The following PDE3B variants were observed in gnomAD, a reference collection of about 807,000 sequenced individuals.
The protein encoded by PDE3B is cGMP-inhibited 3',5'-cyclic phosphodiesterase 3B.
A neutral mutation model predicts 116.8 loss-of-function variants in PDE3B; 66 were observed. That is an observed-to-expected ratio of 0.56 (90% CI 0.46 to 0.69). The LOEUF (loss-of-function observed/expected upper bound fraction) is 0.69, where lower values mean the gene tolerates loss of function less well. Ranked by LOEUF, PDE3B falls within the 30% of genes least tolerant of loss-of-function variation. The pLI, the probability that PDE3B is intolerant of heterozygous loss-of-function variation, is 0.00. For missense variants in PDE3B, 1,384 were observed against 1,368.1 expected (o/e 1.01, Z -0.18); for synonymous variants, 595 against 533.6 (o/e 1.12, Z -1.59).
chr11:14,703,845 G>T (rs1855447967), intron 1 of PDE3B, among the ~76,000 whole-genome samples: 1 of 151,426 alleles, frequency 6.6e-6, no homozygotes, highest in East Asian at 1.9e-4. Flanking sequence ...CTTAAATGTA[G>T]TTTTTTCAGT....
At chr11:14,878,316 T>C in the PDE3B span, 41 of 1,611,614 alleles carry the variant, frequency 2.5e-5, no homozygotes, top group Middle Eastern at 3.3e-4. Context: ...AAAAAGCAGA[T>C]ACAATAATTT....
At chr11:14,723,772 A>AT (rs1590091314) in intron 1 of PDE3B, among the ~76,000 whole-genome samples, 1 of 152,044 alleles carries the variant, frequency 6.6e-6, no homozygotes, top group Admixed American at 6.5e-5. Flanking sequence ...AAAAAAAAAA[A>AT]CAAAAACCAG....
chr11:14,755,273 A>G (rs1297213625), intron 1 of PDE3B, among the ~76,000 whole-genome samples: 2 of 152,222 alleles, frequency 1.3e-5, no homozygotes, highest in African/African-American at 4.8e-5. Context: ...TTTCTAGATA[A>G]AATTATAGTT....
chr11:14,672,175 C>A (rs1452630018), intron 1 of PDE3B, among the ~76,000 whole-genome samples: 1 of 151,400 alleles, frequency 6.6e-6, no homozygotes, highest in East Asian at 1.9e-4. Context: ...AGCACAAGGA[C>A]AATGTCTTAT....
intron 1 of PDE3B, among the ~76,000 whole-genome samples, chr11:14,726,828 A>G (rs1856319366): frequency 6.6e-6 from 1 of 152,182 alleles, no homozygotes; most frequent in Non-Finnish European, 1.5e-5. Context: ...CTGGAGTATG[A>G]CAGGTGAGGT....
At chr11:14,880,588 A>T in the PDE3B span, 1 of 1,613,188 alleles carries the variant, frequency 6.2e-7, no homozygotes, top group Non-Finnish European at 8.5e-7. Context: ...AGCATTCGTT[A>T]TTAACTGTTT....
chr11:14,823,270 C>T (rs1859579561), intron 7 of PDE3B, among the ~76,000 whole-genome samples: 2 of 152,310 alleles, frequency 1.3e-5, no homozygotes, highest in East Asian at 1.9e-4. Context: ...TGCTTTTTCA[C>T]ATGGGTCCCA....
chr11:14,760,239 C>A (rs755069208), intron 1 of PDE3B, among the ~76,000 whole-genome samples: 4 of 152,048 alleles, frequency 2.6e-5, no homozygotes, highest in Non-Finnish European at 5.9e-5. Context: ...ATATAGTAAG[C>A]CCTTAATAGA....
intron 1 of PDE3B, among the ~76,000 whole-genome samples, chr11:14,679,294 C>A (rs894047497): frequency 6.6e-6 from 1 of 151,898 alleles, no homozygotes; most frequent in East Asian, 1.9e-4. Flanking sequence ...TTAGTAGAAT[C>A]AATTTGGGTA....
chr11:14,872,578 G>T (rs1555009230), downstream of PDE3B, among the ~76,000 whole-genome samples: 1 of 152,124 alleles, frequency 6.6e-6, no homozygotes, highest in Non-Finnish European at 1.5e-5. Context: ...TAAAGGAAAT[G>T]GGAACCAATG....
chr11:14,708,446 A>G (rs1010517521), intron 1 of PDE3B, among the ~76,000 whole-genome samples: 3 of 152,140 alleles, frequency 2.0e-5, no homozygotes, highest in African/African-American at 7.2e-5. Context: ...AAGTCCTATT[A>G]TAAATATATA....
intron 1 of PDE3B, among the ~76,000 whole-genome samples, chr11:14,744,360 A>T (rs1856849560): frequency 6.6e-6 from 1 of 152,050 alleles, no homozygotes; most frequent in Non-Finnish European, 1.5e-5. Flanking sequence ...ATTGCATTGC[A>T]TTTTTAGTTT....
intron 1 of PDE3B, among the ~76,000 whole-genome samples, chr11:14,682,723 A>T (rs944142512): frequency 6.6e-6 from 1 of 151,064 alleles, no homozygotes; most frequent in African/African-American, 2.4e-5. Context: ...ATTTGTTGAT[A>T]TTTTATTAAG....
chr11:14,884,474 C>T, the PDE3B span, among the ~76,000 whole-genome samples: 4 of 139,694 alleles, frequency 2.9e-5, no homozygotes, highest in South Asian at 4.4e-4. Flanking sequence ...TAGGTGGGAA[C>T]TGAACAATGA....
intron 1 of PDE3B, among the ~76,000 whole-genome samples, chr11:14,704,167 A>G (rs896737488): frequency 6.6e-6 from 1 of 151,778 alleles, no homozygotes; most frequent in African/African-American, 2.4e-5. Context: ...AAAAAGTACC[A>G]TATAGTCTCA....
chr11:14,884,951 T>C, the PDE3B span, among the ~76,000 whole-genome samples: 1 of 152,154 alleles, frequency 6.6e-6, no homozygotes, highest in South Asian at 2.1e-4. Context: ...CAAGTATCAT[T>C]ATACTCTGGC....
At chr11:14,649,623 A>T (rs1205716473) in intron 1 of PDE3B, among the ~76,000 whole-genome samples, 1 of 152,220 alleles carries the variant, frequency 6.6e-6, no homozygotes, top group African/African-American at 2.4e-5. Context: ...GTAGGCAAGA[A>T]GTGAGAGAGA....
At chr11:14,705,513 G>A (rs758429622) in intron 1 of PDE3B, among the ~76,000 whole-genome samples, 1 of 151,772 alleles carries the variant, frequency 6.6e-6, no homozygotes, top group Non-Finnish European at 1.5e-5. Flanking sequence ...AGAGGCACAT[G>A]AGGTATCTTT....
chr11:14,842,803 T>A (rs142575512), intron 11 of PDE3B, among the ~76,000 whole-genome samples: 125 of 152,354 alleles, frequency 8.2e-4, no homozygotes, highest in African/African-American at 2.7e-3. Context: ...ATTCCAAAAC[T>A]TAATTTTGAT....
Sources: allele counts gnomAD v4.1 joint callset (sites outside exome capture counted in the v4.1 genomes callset), GRCh38; gene constraint gnomAD v4.1.1; transcripts MANE v1.5; gene names NCBI Gene and HGNC (gene_info 2026-07-23, HGNC 2026-07-21).